The following PDE8A variants were observed in gnomAD, a reference collection of about 807,000 sequenced individuals.
PDE8A encodes high affinity cAMP-specific and IBMX-insensitive 3',5'-cyclic phosphodiesterase 8A.
Under a neutral mutation model 105.0 loss-of-function variants are expected in PDE8A, and 59 were observed. The observed-to-expected ratio is 0.56, with a 90% CI of 0.46 to 0.70. The LOEUF is 0.70. Among genes scored for constraint, PDE8A ranks in the 30% least tolerant of loss-of-function variants. The pLI is 0.00. For missense variants in PDE8A, 1,014 were observed against 1,045.9 expected (o/e 0.97, Z 0.42); for synonymous variants, 355 against 371.9 (o/e 0.95, Z 0.52).
intron 1 of PDE8A, among the ~76,000 whole-genome samples, chr15:84,992,230 A>T (rs982290167): frequency 1.3e-5 from 2 of 151,864 alleles, no homozygotes; most frequent in Non-Finnish European, 2.9e-5. Context: ...ACCTTGGGGG[A>T]TGGATTGTGG....
rs867528934 is a variant in PDE8A at position 85,128,383 on chromosome 15, G to A, written c.2253+2009G>A. ...AATTAGTTGCCTGTGGTGGTGGCACGTGCCTGTGGTCCCAGTTGCAGGAGG... is the reference window on the plus strand; with the variant it reads ...AATTAGTTGCCTGTGGTGGTGGCACATGCCTGTGGTCCCAGTTGCAGGAGG... On this transcript the variant is annotated intron_variant, in intron 20 of 21. Transcript: ENST00000394553. 4.7e-4 allele frequency among the ~76,000 whole-genome samples: 71 copies of A among 152,252 alleles called. 1 individual carries two copies. The highest frequency in any genetic ancestry group is 4.4e-4 in the Non-Finnish European group (30 of 68,016).
At chr15:84,999,659 C>T (rs563049322) in intron 1 of PDE8A, among the ~76,000 whole-genome samples, 1 of 152,302 alleles carries the variant, frequency 6.6e-6, no homozygotes, top group East Asian at 1.9e-4. Context: ...ACTGCAACCT[C>T]TGCCTCCCGG....
chr15:84,987,875 T>A (rs373492635), intron 1 of PDE8A, among the ~76,000 whole-genome samples: 2 of 152,082 alleles, frequency 1.3e-5, no homozygotes, highest in Admixed American at 6.6e-5. Flanking sequence ...TTTTAAAAAA[T>A]TTTAAAAAAA....
chr15:85,071,327 T>C (rs1019053778), intron 3 of PDE8A, among the ~76,000 whole-genome samples: 1 of 152,208 alleles, frequency 6.6e-6, no homozygotes. Flanking sequence ...GCAGCAAGGC[T>C]TTATGAGCTG....
intron 1 of PDE8A, among the ~76,000 whole-genome samples, chr15:84,994,759 G>A (rs1046175314): frequency 2.0e-5 from 3 of 152,174 alleles, no homozygotes; most frequent in African/African-American, 7.2e-5. Context: ...CTGAGGTCAG[G>A]AGTTCAAGAC....
intron 2 of PDE8A, among the ~76,000 whole-genome samples, chr15:85,065,035 G>C (rs1596483415): frequency 6.6e-6 from 1 of 152,038 alleles, no homozygotes; most frequent in Admixed American, 6.6e-5. Flanking sequence ...TTGTATGTAT[G>C]TACATGTATG....
chr15:85,045,117 T>G (rs1176782873), intron 1 of PDE8A, among the ~76,000 whole-genome samples: 1 of 152,188 alleles, frequency 6.6e-6, no homozygotes, highest in Non-Finnish European at 1.5e-5. Context: ...GTTGGCTACT[T>G]CCTGTCATTC....
chr15:85,135,265 G>A (rs16974913), intron 20 of PDE8A, among the ~76,000 whole-genome samples: 4,618 of 152,160 alleles, frequency 0.03, 119 homozygotes, highest in Admixed American at 0.074. Flanking sequence ...ACAGTGGGAC[G>A]AGACTTCAGT....
At chr15:85,010,353 G>T (rs2080219490) in intron 1 of PDE8A, among the ~76,000 whole-genome samples, 1 of 152,076 alleles carries the variant, frequency 6.6e-6, no homozygotes, top group South Asian at 2.1e-4. Context: ...CTGGTCTTAG[G>T]GACTTAGCAT....
At chr15:85,025,236 T>A (rs2080495352) in intron 1 of PDE8A, among the ~76,000 whole-genome samples, 1 of 152,162 alleles carries the variant, frequency 6.6e-6, no homozygotes, top group Non-Finnish European at 1.5e-5. Flanking sequence ...TTACTCCCAC[T>A]ACCCCTTTGA....
chr15:85,033,483 A>G (rs947560109), intron 1 of PDE8A, among the ~76,000 whole-genome samples: 1 of 152,150 alleles, frequency 6.6e-6, no homozygotes, highest in Admixed American at 6.5e-5. Context: ...CCCTGTGTGC[A>G]TATATACACA....
chr15:85,053,074 G>T (rs931697387), intron 1 of PDE8A, among the ~76,000 whole-genome samples: 1 of 152,154 alleles, frequency 6.6e-6, no homozygotes. Flanking sequence ...TTATTAAATA[G>T]GGAATCCTTT....
At chr15:85,056,781 G>A (rs1255462683) in intron 1 of PDE8A, among the ~76,000 whole-genome samples, 3 of 152,294 alleles carry the variant, frequency 2.0e-5, no homozygotes, top group East Asian at 3.9e-4. Flanking sequence ...GGAGAAGTTC[G>A]TTATTACCGA....
At chr15:85,087,556 G>GT (rs11444714) in intron 6 of PDE8A, among the ~76,000 whole-genome samples, 5,557 of 152,144 alleles carry the variant, frequency 0.037, 318 homozygotes, top group African/African-American at 0.12. Context: ...TAAGCAGGCA[G>GT]TTTTCTTTTT....
At chr15:85,045,177 A>G (rs909497903) in intron 1 of PDE8A, among the ~76,000 whole-genome samples, 1 of 152,130 alleles carries the variant, frequency 6.6e-6, no homozygotes, top group Non-Finnish European at 1.5e-5. Flanking sequence ...CTTGACTCTG[A>G]TTCAGTTACT....
At chr15:85,026,268 A>G (rs937236365) in intron 1 of PDE8A, among the ~76,000 whole-genome samples, 1 of 152,284 alleles carries the variant, frequency 6.6e-6, no homozygotes, top group East Asian at 1.9e-4. Flanking sequence ...TCTTTGTTCC[A>G]TGATGGCTGG....
intron 13 of PDE8A, 80 bp downstream of exon 13, chr15:85,113,527 C>G: frequency 1.7e-6 from 2 of 1,175,556 alleles, no homozygotes; most frequent in Non-Finnish European, 2.6e-6. Flanking sequence ...TGAGAAGAAA[C>G]AGGGACCCGC....
At chr15:85,030,933 T>A (rs958087188) in intron 1 of PDE8A, among the ~76,000 whole-genome samples, 2 of 152,242 alleles carry the variant, frequency 1.3e-5, no homozygotes, top group Non-Finnish European at 2.9e-5. Flanking sequence ...TGTTTATATT[T>A]TTATATCCTT....
chr15:84,980,610 C>T (rs2079690869), upstream of PDE8A: 1 of 152,386 alleles, frequency 6.6e-6, no homozygotes, highest in Non-Finnish European at 1.5e-5. Context: ...CCGAGGCAGC[C>T]CGCTACAGGA....
Sources: gnomAD v4.1 joint callset for allele counts (sites outside exome capture counted in the v4.1 genomes callset) on GRCh38, gnomAD v4.1.1 for gene constraint, MANE v1.5 for transcripts, NCBI Gene and HGNC (gene_info 2026-07-23, HGNC 2026-07-21) for gene names.